Variants in CCDC91 observed in about 807,000 individuals in gnomAD.
CCDC91 encodes coiled-coil domain-containing protein 91.
In CCDC91, 48 loss-of-function variants were observed where a neutral mutation model predicts 63.2. That is an observed-to-expected ratio of 0.76 (90% CI 0.60 to 0.97). The LOEUF is 0.97. CCDC91 is among the 50% of genes least tolerant of loss of function. The probability of loss-of-function intolerance (pLI) is 0.00; values close to 1 mark genes in which losing one functional copy is unlikely to be tolerated. For missense variants in CCDC91, 500 were observed against 494.6 expected, an observed-to-expected ratio of 1.01 and a Z score of -0.10; for synonymous variants, 167 against 165.8, an observed-to-expected ratio of 1.01 and a Z score of -0.06.
intron 6 of CCDC91, among the ~76,000 whole-genome samples, chr12:28,333,480 A>G (rs577735994): frequency 6.6e-6 from 1 of 152,204 alleles, no homozygotes; most frequent in East Asian, 1.9e-4. Flanking sequence ...AAAAGCACCT[A>G]GGATATTTAT....
intron 1 of CCDC91, among the ~76,000 whole-genome samples, chr12:28,204,512 A>G (rs1942699602): frequency 6.6e-6 from 1 of 152,168 alleles, no homozygotes; most frequent in African/African-American, 2.4e-5. Flanking sequence ...TTCCTAGTGT[A>G]AGCAATTTCA....
chr12:28,270,469 G>GT (rs761366549), intron 3 of CCDC91, among the ~76,000 whole-genome samples: 1 of 152,028 alleles, frequency 6.6e-6, no homozygotes, highest in Admixed American at 6.6e-5. Flanking sequence ...ACAAAATACT[G>GT]TAATCAAATA....
At chr12:28,399,394 G>A (rs751199326) in intron 8 of CCDC91, among the ~76,000 whole-genome samples, 6 of 152,240 alleles carry the variant, frequency 3.9e-5, no homozygotes, top group Non-Finnish European at 7.4e-5. Context: ...TGCAACACTT[G>A]GGGATTATGG....
At chr12:28,443,099 C>T (rs1949313430) in intron 8 of CCDC91, among the ~76,000 whole-genome samples, 1 of 149,474 alleles carries the variant, frequency 6.7e-6, no homozygotes, top group Non-Finnish European at 1.5e-5. Flanking sequence ...ATAGGATGTT[C>T]TCTAATTTTT....
At chr12:28,452,424 A>G (rs1949851828) in intron 10 of CCDC91, 54 bp from the exon 11 acceptor site, 1 of 1,233,114 alleles carries the variant, frequency 8.1e-7, no homozygotes, top group Non-Finnish European at 1.1e-6. Flanking sequence ...TCTGTTACTC[A>G]AGAAATTATT....
At chr12:28,311,466 C>T (rs1592274324) in intron 6 of CCDC91, among the ~76,000 whole-genome samples, 1 of 151,972 alleles carries the variant, frequency 6.6e-6, no homozygotes, top group East Asian at 1.9e-4. Flanking sequence ...CATCTATGGG[C>T]ACTGCATTGT....
chr12:28,223,853 G>C (rs1213499681), intron 1 of CCDC91, among the ~76,000 whole-genome samples: 1 of 152,130 alleles, frequency 6.6e-6, no homozygotes. Flanking sequence ...AAAGAAGTAG[G>C]CTTTTAAAAC....
At chr12:28,333,535 A>G (rs1345327160) in intron 6 of CCDC91, among the ~76,000 whole-genome samples, 2 of 152,180 alleles carry the variant, frequency 1.3e-5, no homozygotes, top group East Asian at 3.8e-4. Context: ...ACTCTTAAAT[A>G]TGGAATCTTC....
At chr12:28,449,583 G>T (rs2140321452) in intron 8 of CCDC91, among the ~76,000 whole-genome samples, 1 of 151,994 alleles carries the variant, frequency 6.6e-6, no homozygotes, top group Non-Finnish European at 1.5e-5. Context: ...AATAAAAATA[G>T]ATACATTAAC....
chr12:28,289,841 G>A lies in CCDC91; in HGVS notation c.110-15808G>A, dbSNP rs557765805. ...CGAGTAGCTGGGACTACAGATGCCCGCCACCACGCCTGGCTAATTTTTTGT... is the reference window on the plus strand; with the variant it reads ...CGAGTAGCTGGGACTACAGATGCCCACCACCACGCCTGGCTAATTTTTTGT... On this transcript the variant is annotated intron_variant, in intron 3 of 12. Coordinates refer to ENST00000536442, the MANE Select transcript of CCDC91 (RefSeq NM_018318.5). Among the ~76,000 whole-genome samples the A allele has an allele frequency of 4.6e-5, 7 of 151,788 alleles. No individual in the cohort carries two copies. In the South Asian group the frequency reaches 8.3e-4, roughly 18 times the overall value.
rs1465098123 is a variant in CCDC91, at chr12:28,238,149, A to G, written c.-14-19053A>G. Among the ~76,000 whole-genome samples the G allele has an allele frequency of 2.0e-5, 3 of 152,224 alleles. 1 individual carries two copies. Among genetic ancestry groups the G allele is most frequent in the South Asian group, 4.1e-4 (2 of 4,828 alleles). On this transcript the variant is annotated intron_variant, in intron 1 of 12. Transcript: ENST00000536442. ...AATGGAAAGATATACCACACAAACA[A>G]TTGGTAAAAATATGTACAGTGCAGA... is the stretch of plus-strand genomic sequence containing the variant.
intron 6 of CCDC91, among the ~76,000 whole-genome samples, chr12:28,311,461 A>G (rs533368365): frequency 3.3e-5 from 5 of 152,142 alleles, no homozygotes; most frequent in African/African-American, 1.2e-4. Flanking sequence ...GAGGTCATCT[A>G]TGGGCACTGC....
At chr12:28,456,556 A>C (rs1215498261) in intron 11 of CCDC91, among the ~76,000 whole-genome samples, 2 of 152,130 alleles carry the variant, frequency 1.3e-5, no homozygotes, top group Non-Finnish European at 2.9e-5. Context: ...TGATTGTGAT[A>C]GCGCTTATAT....
rs374729176 is a variant in CCDC91, at chr12:28,367,699, A to G, written c.654+5184A>G. ...CAAAATGCATGTCAGCACCCACTAT[A>G]ATGGTTAATTTATGCATCAGCTTGA... On this transcript the variant is annotated intron_variant, in intron 7 of 12. Transcript: ENST00000536442. Among the ~76,000 whole-genome samples the G allele has an allele frequency of 4.6e-5, 7 of 152,334 alleles. No homozygotes were observed. In the South Asian group the frequency reaches 1.4e-3, roughly 32 times the overall value.
At chr12:28,373,273 C>T (rs989409045) in intron 7 of CCDC91, among the ~76,000 whole-genome samples, 3 of 151,946 alleles carry the variant, frequency 2.0e-5, no homozygotes, top group African/African-American at 7.3e-5. Context: ...CTGTTTTTCA[C>T]TTTTAGTATT....
chr12:28,313,443 T>C (rs1939523791), intron 6 of CCDC91, among the ~76,000 whole-genome samples: 1 of 152,080 alleles, frequency 6.6e-6, no homozygotes, highest in Non-Finnish European at 1.5e-5. Flanking sequence ...AATACTGGGC[T>C]CTGAGTTTTC....
chr12:28,493,702 A>G (rs935456558), intron 12 of CCDC91, among the ~76,000 whole-genome samples: 3 of 151,780 alleles, frequency 2.0e-5, no homozygotes, highest in African/African-American at 7.2e-5. Flanking sequence ...TTCCATACTT[A>G]CATATAGTAA....
chr12:28,397,353 G>T (rs1047254929), intron 8 of CCDC91, among the ~76,000 whole-genome samples: 1 of 152,196 alleles, frequency 6.6e-6, no homozygotes, highest in African/African-American at 2.4e-5. Flanking sequence ...TCTTTGAGGA[G>T]CTTAGATGAT....
At chr12:28,194,437 G>A (rs1422196672) in intron 1 of CCDC91, among the ~76,000 whole-genome samples, 1 of 152,162 alleles carries the variant, frequency 6.6e-6, no homozygotes, top group Non-Finnish European at 1.5e-5. Flanking sequence ...GGTGTGTCCG[G>A]AGTTTGTTCC....
Sources: gnomAD v4.1 joint callset for allele counts (sites outside exome capture counted in the v4.1 genomes callset) on GRCh38, gnomAD v4.1.1 for gene constraint, MANE v1.5 for transcripts, NCBI Gene and HGNC (gene_info 2026-07-23, HGNC 2026-07-21) for gene names.